TRHDE: variants seen among roughly 807,000 people sequenced by gnomAD.
The protein encoded by TRHDE is thyrotropin-releasing hormone-degrading ectoenzyme.
Under a neutral mutation model 125.7 loss-of-function variants are expected in TRHDE, and 72 were observed. The ratio of observed to expected loss-of-function variants is 0.57; its 90% confidence interval spans 0.47 to 0.70. The LOEUF is 0.70. TRHDE is among the 30% of genes least tolerant of loss of function. TRHDE has a pLI of 0.00. For missense variants in TRHDE, 1,110 were observed against 1,327.1 expected (o/e 0.84, Z 2.54); for synonymous variants, 509 against 509.1 (o/e 1.00, Z 0.00).
chr12:72,472,948 A>T, intron 4 of TRHDE, 119 bp from the exon 5 acceptor site: 1 of 822,422 alleles, frequency 1.2e-6, no homozygotes. Flanking sequence ...AAGATCACAA[A>T]ATCAACTGGG....
chr12:72,617,375 A>G (rs391469), intron 12 of TRHDE, among the ~76,000 whole-genome samples: 4 of 152,140 alleles, frequency 2.6e-5, no homozygotes, highest in East Asian at 1.9e-4. Context: ...AAGCACAGGT[A>G]TAAACTAATA....
chr12:72,631,461 A>G (rs568225935), intron 15 of TRHDE, among the ~76,000 whole-genome samples: 1 of 151,994 alleles, frequency 6.6e-6, no homozygotes, highest in Admixed American at 6.6e-5. Context: ...CCTTTGTCAA[A>G]TTTAATTATA....
chr12:72,227,415 C>A (rs2367895), intron 2 of TRHDE, among the ~76,000 whole-genome samples: 72,817 of 151,934 alleles, frequency 0.48, 17,708 homozygotes, highest in South Asian at 0.62. Flanking sequence ...GAAACTTATT[C>A]ACTATCACAA....
At chr12:72,161,363 G>A (rs1274318749) in intron 2 of TRHDE, among the ~76,000 whole-genome samples, 2 of 151,710 alleles carry the variant, frequency 1.3e-5, no homozygotes, top group Non-Finnish European at 2.9e-5. Context: ...AACTCGGGAG[G>A]TGGAAGTTGC....
At chr12:72,542,518 T>C (rs1243801958) in intron 7 of TRHDE, among the ~76,000 whole-genome samples, 162 bp downstream of exon 7, 4 of 151,382 alleles carry the variant, frequency 2.6e-5, no homozygotes, top group Non-Finnish European at 5.9e-5. Flanking sequence ...CTAGATAGGA[T>C]ACTCACGATA....
intron 13 of TRHDE, among the ~76,000 whole-genome samples, chr12:72,620,498 T>G (rs7971401): frequency 0.066 from 10,085 of 151,928 alleles, 1,101 homozygotes; most frequent in African/African-American, 0.23. Context: ...TACTCCAGCC[T>G]GAGCAACAGA....
intron 1 of TRHDE, among the ~76,000 whole-genome samples, chr12:72,101,737 A>T (rs1875073245): frequency 6.6e-6 from 1 of 152,194 alleles, no homozygotes; most frequent in African/African-American, 2.4e-5. Flanking sequence ...CATTCCAATT[A>T]TTCATGTCCC....
At chr12:72,457,557 C>T (rs993166044) in intron 3 of TRHDE, among the ~76,000 whole-genome samples, 1 of 151,528 alleles carries the variant, frequency 6.6e-6, no homozygotes, top group Non-Finnish European at 1.5e-5. Flanking sequence ...TGGGTATCGG[C>T]GTTTTTTTTT....
At chr12:72,487,474 C>T (rs779617150) in intron 5 of TRHDE, among the ~76,000 whole-genome samples, 4 of 151,998 alleles carry the variant, frequency 2.6e-5, no homozygotes, top group Admixed American at 2.0e-4. Flanking sequence ...CAGGAAAGAA[C>T]GGGATGATAT....
chr12:72,427,451 A>G (rs1198190246), intron 3 of TRHDE, among the ~76,000 whole-genome samples: 3 of 152,028 alleles, frequency 2.0e-5, no homozygotes, highest in African/African-American at 7.2e-5. Context: ...CTTTTAGCTC[A>G]TGGAAGATAT....
intron 3 of TRHDE, among the ~76,000 whole-genome samples, chr12:72,399,196 T>C (rs866879306): frequency 6.6e-6 from 1 of 152,180 alleles, no homozygotes; most frequent in Non-Finnish European, 1.5e-5. Context: ...TGTGGAAAAA[T>C]TATCTTCCAC....
chr12:72,114,805 TA>T (rs982130562), intron 2 of TRHDE, among the ~76,000 whole-genome samples: 5 of 152,104 alleles, frequency 3.3e-5, no homozygotes, highest in African/African-American at 1.2e-4. Flanking sequence ...GAACAGAGGC[TA>T]AAATGTTTGT....
At chr12:72,183,832 T>A (rs1877147143) in intron 2 of TRHDE, among the ~76,000 whole-genome samples, 1 of 152,180 alleles carries the variant, frequency 6.6e-6, no homozygotes, top group African/African-American at 2.4e-5. Context: ...TTTTCAACAG[T>A]TAAATGTCTT....
intron 5 of TRHDE, among the ~76,000 whole-genome samples, chr12:72,484,364 T>A (rs920585172): frequency 6.6e-6 from 1 of 152,134 alleles, no homozygotes; most frequent in African/African-American, 2.4e-5. Context: ...AAGGAAGTAT[T>A]ATCTCTTAGA....
intron 2 of TRHDE, among the ~76,000 whole-genome samples, chr12:72,351,124 T>C (rs1248923724): frequency 6.6e-6 from 1 of 151,940 alleles, no homozygotes; most frequent in Non-Finnish European, 1.5e-5. Flanking sequence ...ACAAAATACT[T>C]CACAAACTGC....
At chr12:72,325,845 CAT>C (rs1869316357) in intron 2 of TRHDE, among the ~76,000 whole-genome samples, 1 of 152,116 alleles carries the variant, frequency 6.6e-6, no homozygotes, top group Non-Finnish European at 1.5e-5. Context: ...TGGATAGTAA[CAT>C]GTGCAACTCA....
chr12:72,312,046 C>G (rs1266617022), intron 2 of TRHDE, among the ~76,000 whole-genome samples: 1 of 152,114 alleles, frequency 6.6e-6, no homozygotes. Context: ...ATGTTATAGA[C>G]ACTTAAAATA....
chr12:72,402,814 T>C (rs375484007), intron 3 of TRHDE, among the ~76,000 whole-genome samples: 17 of 152,292 alleles, frequency 1.1e-4, no homozygotes, highest in African/African-American at 3.6e-4. Context: ...CTTTATTTCC[T>C]AAGGTAAAAG....
At chr12:72,653,320 A>T (rs1042893335) in intron 17 of TRHDE, among the ~76,000 whole-genome samples, 164 bp downstream of exon 17, 4 of 152,136 alleles carry the variant, frequency 2.6e-5, no homozygotes, top group Non-Finnish European at 5.9e-5. Flanking sequence ...AATTATTTTT[A>T]AAATTCTATA....
Sources: allele counts gnomAD v4.1 joint callset (sites outside exome capture counted in the v4.1 genomes callset), GRCh38; gene constraint gnomAD v4.1.1; transcripts MANE v1.5; gene names NCBI Gene and HGNC (gene_info 2026-07-23, HGNC 2026-07-21).